Variants in IFT80 observed in about 807,000 individuals in gnomAD.
IFT80 encodes intraflagellar transport protein 80 homolog.
Under a neutral mutation model 107.9 loss-of-function variants are expected in IFT80, and 79 were observed. The ratio of observed to expected loss-of-function variants is 0.73; its 90% CI spans 0.61 to 0.88. IFT80 has a LOEUF of 0.88. Ranked by LOEUF, IFT80 falls within the 40% of genes least tolerant of loss-of-function variation. IFT80 has a pLI of 0.00. For synonymous variants in IFT80, 299 were observed against 300.9 expected (o/e 0.99, Z 0.07); for missense variants, 797 against 914.2 (o/e 0.87, Z 1.65).
intron 18 of IFT80, chr3:160,268,802 T>A: frequency 2.5e-6 from 1 of 405,206 alleles, no homozygotes; most frequent in East Asian, 5.1e-5. Flanking sequence ...TTTATATATA[T>A]ACTATTATTA....
intron 12 of IFT80, among the ~76,000 whole-genome samples, chr3:160,296,457 T>G (rs1407855562): frequency 6.6e-6 from 1 of 152,048 alleles, no homozygotes; most frequent in African/African-American, 2.4e-5. Context: ...ATATTGTTAT[T>G]CTATCTGCCT....
Position 160,257,356 on chromosome 3 carries a change from T to TA in IFT80, c.*1168dup, listed in dbSNP as rs1362591342. On this transcript the variant is annotated 3_prime_UTR_variant, in exon 20 of 20. Transcript: ENST00000326448. ...TATCTATGCATCTATACCCACCCTA[T>TA]AATGTACCATTTTCAGAAATGGGTT... is the stretch of plus-strand genomic sequence containing the variant. 6.6e-6 allele frequency: 1 copy of TA among 152,180 alleles called. No homozygotes were observed. Among genetic ancestry groups the TA allele is most frequent in the Non-Finnish European group, 1.5e-5 (1 of 68,040 alleles). The allele number at this position is 152,180 out of a possible 1,614,324, so 9.4% of individuals were successfully genotyped here. A position where few individuals can be genotyped will look rare whatever the true frequency, so the allele number is the denominator to read the frequency against.
chr3:160,356,197 T>C (rs184927462), intron 7 of IFT80, 47 bp from the exon 8 acceptor site: 1 of 1,491,660 alleles, frequency 6.7e-7, no homozygotes, highest in East Asian at 2.3e-5. Context: ...AGGGAGAAGT[T>C]TGCAAAAACT....
At chr3:160,390,019 A>G (rs1002149858) in intron 1 of IFT80, among the ~76,000 whole-genome samples, 3 of 152,190 alleles carry the variant, frequency 2.0e-5, no homozygotes, top group African/African-American at 7.2e-5. Context: ...TTAGACAGGA[A>G]GGAGAAACAG....
chr3:160,296,569 TAAAA>T (rs750618761), intron 12 of IFT80, among the ~76,000 whole-genome samples: 1 of 136,858 alleles, frequency 7.3e-6, no homozygotes. Flanking sequence ...TCATCCTCAC[TAAAA>T]AAAAAAAAAA....
chr3:160,385,509 A>G lies in IFT80; in HGVS notation c.-46-863T>C, dbSNP rs1712860580. Among the ~76,000 whole-genome samples the G allele has an allele frequency of 7.2e-5, 11 of 152,250 alleles. 1 individual carries two copies. Among genetic ancestry groups the G allele is most frequent in the Admixed American group, 7.2e-4 (11 of 15,288 alleles). On this transcript the variant is annotated intron_variant, in intron 1 of 19. Transcript: ENST00000326448. ...AACTACATCAAAGGAGGTACTGACT[A>G]TAGATAAGAATTCAGTAGGCCTCTC...
intron 18 of IFT80, among the ~76,000 whole-genome samples, chr3:160,275,369 T>C (rs1266670781): frequency 6.6e-6 from 1 of 152,214 alleles, no homozygotes; most frequent in African/African-American, 2.4e-5. Flanking sequence ...CAGTTAATTA[T>C]GTACTGCTGG....
intron 14 of IFT80, among the ~76,000 whole-genome samples, chr3:160,282,007 G>T (rs1182592328): frequency 6.6e-6 from 1 of 152,226 alleles, no homozygotes; most frequent in African/African-American, 2.4e-5. Context: ...GCCAGGCCCA[G>T]TGGCTTACGC....
chr3:160,277,383 C>T lies in IFT80; in HGVS notation c.2022G>A (p.Glu674=), dbSNP rs557504392. Residue 674 remains glutamate (E), a synonymous_variant, in exon 18 of 20, where the codon GAG becomes GAA. Transcript: ENST00000326448. ...HILLFSGNIQ[E]AEIVLLQAGL... is the part of the protein sequence containing the mutation. ...CAGCCTGAAGAAGTACTATTTCAGC[C>T]TCCTGTATGTTCCCACTAAACAGTA... is the stretch of plus-strand genomic sequence containing the variant. The T allele has an allele frequency of 3.1e-6, 5 of 1,613,622 alleles. No individual in the cohort carries two copies. In the East Asian group the frequency reaches 6.7e-5, roughly 22 times the overall value.
At chr3:160,383,041 A>C (rs1712649596) in intron 2 of IFT80, among the ~76,000 whole-genome samples, 1 of 152,226 alleles carries the variant, frequency 6.6e-6, no homozygotes, top group South Asian at 2.1e-4. Flanking sequence ...AAATGGGAGA[A>C]GCTTAGGTAA....
At chr3:160,374,916 C>T (rs1711881829) in intron 5 of IFT80, among the ~76,000 whole-genome samples, 1 of 152,044 alleles carries the variant, frequency 6.6e-6, no homozygotes, top group Admixed American at 6.6e-5. Context: ...AACATTTAAG[C>T]TTAGAAAAGA....
intron 19 of IFT80, among the ~76,000 whole-genome samples, chr3:160,267,264 T>C (rs1239091768): frequency 6.6e-6 from 1 of 152,078 alleles, no homozygotes; most frequent in Non-Finnish European, 1.5e-5. Context: ...TTAATAGAAA[T>C]TGTGGGTGCC....
chr3:160,379,936 C>T (rs540932575), intron 3 of IFT80, among the ~76,000 whole-genome samples: 33 of 152,168 alleles, frequency 2.2e-4, no homozygotes, highest in African/African-American at 7.9e-4. Context: ...ACATCCTTTC[C>T]ATCTTCAGGT....
At position 160,357,508 on chromosome 3, in the gene IFT80, C is replaced by G; in HGVS notation, c.620G>C (p.Gly207Ala). Residue 207 changes from glycine to alanine, a missense_variant, in exon 7 of 20, where the codon GGT becomes GCT. Physicochemically the swap from Gly to Ala is moderately conservative, Grantham distance 60. Coordinates refer to ENST00000326448, the MANE Select transcript of IFT80 (RefSeq NM_020800.3). ...NSVNDLILSA[G>A]EDCKYKVWDS... ...ATATACCTTATATTTACAGTCTTCA[C>G]CAGCAGATAAAATAAGATCATTGAC... The G allele has an allele frequency of 6.4e-7, 1 of 1,567,416 alleles. No homozygotes were observed. The highest frequency in any genetic ancestry group is 1.4e-5 in the African/African-American group (1 of 74,020).
intron 8 of IFT80, among the ~76,000 whole-genome samples, chr3:160,352,279 C>G (rs1720767493): frequency 6.6e-6 from 1 of 152,164 alleles, no homozygotes; most frequent in Admixed American, 6.5e-5. Context: ...CAGGCGTGAG[C>G]CACCACGCCC....
At chr3:160,282,765 T>A in intron 13 of IFT80, 152 bp from the exon 14 acceptor site, 1 of 624,784 alleles carries the variant, frequency 1.6e-6, no homozygotes, top group East Asian at 2.9e-5. Context: ...AATTTTAAAC[T>A]GCCAATATGT....
chr3:160,387,783 A>T (rs1031586354), intron 1 of IFT80, among the ~76,000 whole-genome samples: 6 of 152,218 alleles, frequency 3.9e-5, no homozygotes, highest in African/African-American at 1.2e-4. Flanking sequence ...CAGCAAAAAG[A>T]TCATATTCAA....
chr3:160,396,367 T>C (rs1713779123), intron 1 of IFT80, among the ~76,000 whole-genome samples: 1 of 152,170 alleles, frequency 6.6e-6, no homozygotes, highest in Non-Finnish European at 1.5e-5. Flanking sequence ...ATATCTAATT[T>C]ATCTAAATAT....
chr3:160,350,624 G>A (rs1419110757), intron 8 of IFT80, among the ~76,000 whole-genome samples: 1 of 152,074 alleles, frequency 6.6e-6, no homozygotes, highest in South Asian at 2.1e-4. Context: ...AGACCATCCT[G>A]GCCAACATGG....
Sources: gnomAD v4.1 joint callset for allele counts (sites outside exome capture counted in the v4.1 genomes callset) on GRCh38, gnomAD v4.1.1 for gene constraint, MANE v1.5 for transcripts, NCBI Gene and HGNC (gene_info 2026-07-23, HGNC 2026-07-21) for gene names.